The following SIK3 variants were observed in gnomAD, a reference collection of about 807,000 sequenced individuals.
The protein encoded by SIK3 is SIK family kinase 3, also known as serine/threonine-protein kinase SIK3.
SIK3 carries 28 observed loss-of-function variants against 144.2 expected under a neutral mutation model. That is an observed-to-expected ratio of 0.19 (90% CI 0.14 to 0.27). The LOEUF (loss-of-function observed/expected upper bound fraction) is 0.27. Among genes scored for constraint, SIK3 ranks in the 10% least tolerant of loss-of-function variants. The pLI is 1.00. For missense variants in SIK3, 1,319 were observed against 1,776.0 expected (o/e 0.74, Z 4.62); for synonymous variants, 686 against 676.3 (o/e 1.01, Z -0.22).
At chr11:116,902,596 A>C (rs973406426) in intron 4 of SIK3, among the ~76,000 whole-genome samples, 2 of 152,226 alleles carry the variant, frequency 1.3e-5, no homozygotes, top group African/African-American at 4.8e-5. Context: ...CAACAGCTAG[A>C]CCCAATAACC....
At chr11:116,872,796 A>G (rs1319993454) in intron 13 of SIK3, among the ~76,000 whole-genome samples, 2 of 152,198 alleles carry the variant, frequency 1.3e-5, no homozygotes, top group Non-Finnish European at 2.9e-5. Context: ...GGGTCCTCAA[A>G]GCAGCACTGC....
intron 1 of SIK3, among the ~76,000 whole-genome samples, chr11:116,965,738 T>TATATAC (rs1369305033): frequency 1.7e-3 from 5 of 2,878 alleles, no homozygotes; most frequent in African/African-American, 3.5e-3. Flanking sequence ...TGCTAAAATA[T>TATATAC]ATATATATAT....
chr11:116,890,180 A>G (rs944655076), intron 6 of SIK3, among the ~76,000 whole-genome samples: 28 of 152,334 alleles, frequency 1.8e-4, no homozygotes, highest in Admixed American at 1.4e-3. Context: ...ACAATAAAGT[A>G]AGTGCTATGA....
intron 21 of SIK3, among the ~76,000 whole-genome samples, chr11:116,851,326 C>T (rs970473422): frequency 2.7e-4 from 41 of 152,292 alleles, no homozygotes; most frequent in African/African-American, 9.9e-4. Context: ...AAAACAAAAG[C>T]TCTTAATAGC....
At chr11:117,013,915 G>GTGT (rs1951392293) in intron 1 of SIK3, among the ~76,000 whole-genome samples, 1 of 23,618 alleles carries the variant, frequency 4.2e-5, no homozygotes, top group African/African-American at 8.7e-5. Context: ...GGGGGGGGAG[G>GTGT]GTGTGTGTGT....
intron 1 of SIK3, among the ~76,000 whole-genome samples, chr11:116,965,177 G>T (rs1949482917): frequency 6.6e-6 from 1 of 152,138 alleles, no homozygotes; most frequent in South Asian, 2.1e-4. Context: ...AAAAGAAAAT[G>T]ATTTCTCAGT....
At chr11:116,878,793 T>G (rs76523703) in intron 6 of SIK3, among the ~76,000 whole-genome samples, 24,103 of 152,140 alleles carry the variant, frequency 0.16, 1,993 homozygotes, top group African/African-American at 0.18. Flanking sequence ...GTTTGTTTTT[T>G]CCTTTAGTGG....
intron 1 of SIK3, among the ~76,000 whole-genome samples, chr11:117,054,307 G>T (rs1348549639): frequency 2.0e-5 from 3 of 152,190 alleles, no homozygotes. Context: ...AGGGACAAAG[G>T]TATGAGATTT....
At chr11:117,012,097 C>T (rs1032878099) in intron 1 of SIK3, among the ~76,000 whole-genome samples, 2 of 112,150 alleles carry the variant, frequency 1.8e-5, no homozygotes, top group African/African-American at 5.0e-5. Context: ...TCCCAGCCTC[C>T]CAAGTAGCTG....
chr11:117,093,306 C>T (rs180848856), intron 1 of SIK3, among the ~76,000 whole-genome samples: 11 of 152,280 alleles, frequency 7.2e-5, no homozygotes, highest in Admixed American at 7.2e-4. Flanking sequence ...GACTTGTTCT[C>T]CTCATGGAAA....
At chr11:116,922,747 T>C (rs543738892) in intron 4 of SIK3, among the ~76,000 whole-genome samples, 1 of 150,020 alleles carries the variant, frequency 6.7e-6, no homozygotes, top group East Asian at 1.9e-4. Context: ...GGATGCATGA[T>C]TATTTTCATT....
rs1203327228 is a variant in SIK3 at position 116,843,774 on chromosome 11, T to TG, written c.*1868dup. On this transcript the variant is annotated 3_prime_UTR_variant, in exon 25 of 25. Coordinates refer to ENST00000445177, the MANE Select transcript of SIK3 (RefSeq NM_001366686.3). ...AGTCAACAGCTTTTTAGGGCTTTCT[T>TG]GGTAAGCCCCCTTCTGGTGAGTAGT... 1 of 152,174 alleles carries TG rather than the reference T, an allele frequency of 6.6e-6. No homozygotes were observed. Among genetic ancestry groups the TG allele is most frequent in the African/African-American group, 2.4e-5 (1 of 41,432 alleles). The allele number at this position is 152,174 out of a possible 1,614,324, so 9.4% of individuals were successfully genotyped here. A position where few individuals can be genotyped will look rare whatever the true frequency, so the allele number is the denominator to read the frequency against.
chr11:116,955,274 T>C (rs1949097489), intron 2 of SIK3, among the ~76,000 whole-genome samples: 2 of 151,934 alleles, frequency 1.3e-5, no homozygotes, highest in South Asian at 4.1e-4. Context: ...GGCACATGCC[T>C]GTGATCCCAG....
At chr11:116,956,812 G>A in intron 2 of SIK3, 136 bp downstream of exon 2, 1 of 521,102 alleles carries the variant, frequency 1.9e-6, no homozygotes, top group Non-Finnish European at 3.4e-6. Flanking sequence ...TAAACAGAAG[G>A]GTAGGAAAGA....
chr11:116,900,755 A>C (rs1176561213), intron 4 of SIK3, among the ~76,000 whole-genome samples: 1 of 152,096 alleles, frequency 6.6e-6, no homozygotes, highest in Non-Finnish European at 1.5e-5. Context: ...ACTGATTTCC[A>C]CCAGAAAACA....
chr11:117,072,362 T>G (rs1954319399), intron 1 of SIK3, among the ~76,000 whole-genome samples: 1 of 152,008 alleles, frequency 6.6e-6, no homozygotes, highest in Admixed American at 6.6e-5. Flanking sequence ...CACTCCAGCC[T>G]GCACAAGAGC....
At chr11:116,955,889 C>T (rs534049602) in intron 2 of SIK3, among the ~76,000 whole-genome samples, 8 of 151,572 alleles carry the variant, frequency 5.3e-5, no homozygotes, top group South Asian at 2.1e-4. Flanking sequence ...TAGTTTTAAC[C>T]ACACATGTTA....
intron 1 of SIK3, among the ~76,000 whole-genome samples, chr11:116,980,894 A>G (rs1374844201): frequency 1.3e-5 from 2 of 152,070 alleles, no homozygotes; most frequent in African/African-American, 4.8e-5. Context: ...CAATCAGATC[A>G]TCATCATAAG....
At chr11:116,945,579 AC>A (rs959516931) in intron 3 of SIK3, among the ~76,000 whole-genome samples, 7 of 151,018 alleles carry the variant, frequency 4.6e-5, no homozygotes, top group African/African-American at 1.2e-4. Context: ...TGCCTTCCCA[AC>A]CCACTTCAGC....
Sources: gnomAD v4.1 joint callset for allele counts (sites outside exome capture counted in the v4.1 genomes callset) on GRCh38, gnomAD v4.1.1 for gene constraint, MANE v1.5 for transcripts, NCBI Gene and HGNC (gene_info 2026-07-23, HGNC 2026-07-21) for gene names.